Variants in PCBP3 observed in about 807,000 individuals in gnomAD.
The protein encoded by PCBP3 is poly(rC) binding protein 3.
PCBP3 carries 25 observed loss-of-function variants against 52.7 expected under a neutral mutation model. That is an observed-to-expected ratio of 0.47 (90% CI 0.35 to 0.66). The LOEUF is 0.66. PCBP3 is among the 30% of genes least tolerant of loss of function. The pLI, the probability that PCBP3 is intolerant of heterozygous loss-of-function variation, is 0.01. For synonymous variants in PCBP3, 162 were observed against 183.0 expected, an observed-to-expected ratio of 0.89 and a Z score of 0.93; for missense variants, 391 against 490.3, an observed-to-expected ratio of 0.80 and a Z score of 1.91.
At chr21:45,932,206 G>A (rs554068115) in intron 15 of PCBP3, among the ~76,000 whole-genome samples, 9 of 151,132 alleles carry the variant, frequency 6.0e-5, no homozygotes, top group African/African-American at 1.2e-4. Context: ...TGAACACATC[G>A]GCCATGCTGT....
intron 1 of PCBP3, among the ~76,000 whole-genome samples, chr21:45,667,481 A>T (rs948859706): frequency 6.6e-6 from 1 of 151,850 alleles, no homozygotes; most frequent in South Asian, 2.1e-4. Context: ...TGAATGTGCT[A>T]TTTCAATTAT....
intron 4 of PCBP3, among the ~76,000 whole-genome samples, chr21:45,765,073 G>A (rs2089170649): frequency 6.6e-6 from 1 of 152,256 alleles, no homozygotes. Context: ...GCTGGTGTGT[G>A]TGCAGAGGGC....
intron 4 of PCBP3, among the ~76,000 whole-genome samples, chr21:45,784,336 C>T (rs1230898003): frequency 2.6e-5 from 2 of 76,652 alleles, no homozygotes; most frequent in African/African-American, 1.5e-4. Context: ...ATAGTGACAG[C>T]TCTACCTCTA....
intron 3 of PCBP3, chr21:45,752,967 C>A: frequency 1.6e-5 from 1 of 61,104 alleles, no homozygotes; most frequent in Non-Finnish European, 2.9e-5. Flanking sequence ...CCCTGTCTCT[C>A]CAAAAAAAAA....
chr21:45,786,801 T>C (rs563250159), intron 4 of PCBP3, among the ~76,000 whole-genome samples: 1 of 152,362 alleles, frequency 6.6e-6, no homozygotes, highest in East Asian at 1.9e-4. Context: ...TCTGGCACCA[T>C]GACTGCTCCT....
At chr21:45,786,722 T>C (rs1226414618) in intron 4 of PCBP3, among the ~76,000 whole-genome samples, 1 of 152,208 alleles carries the variant, frequency 6.6e-6, no homozygotes, top group African/African-American at 2.4e-5. Context: ...TGTTTAGTAA[T>C]TGGGAAACCT....
intron 4 of PCBP3, among the ~76,000 whole-genome samples, chr21:45,804,863 C>T (rs2092438899): frequency 6.6e-6 from 1 of 152,168 alleles, no homozygotes; most frequent in Admixed American, 6.5e-5. Context: ...AGAGAGGCAG[C>T]ACAGGAAGGC....
rs537790775 is a variant in PCBP3 at position 45,904,476 on chromosome 21, G to A, written c.339+3363G>A. On this transcript the variant is annotated intron_variant, in intron 9 of 17. Transcript: ENST00000681687. This position sits in a 1 kb window ranked among gnomAD's most constrained non-coding sequence, Gnocchi z 4.8. ...TGGAGTTTTCATCTTTTGGTCCTTC[G>A]GTTTTTCCAGAAGACTGTGGATGGT... is the stretch of plus-strand genomic sequence containing the variant. Among the ~76,000 whole-genome samples the A allele has an allele frequency of 1.3e-5, 2 of 152,140 alleles. No individual in the cohort carries two copies. The highest frequency in any genetic ancestry group is 1.9e-4 in the East Asian group (1 of 5,168).
At chr21:45,811,053 T>A (rs562724563) in intron 4 of PCBP3, among the ~76,000 whole-genome samples, 1 of 152,268 alleles carries the variant, frequency 6.6e-6, no homozygotes, top group African/African-American at 2.4e-5. Flanking sequence ...TCTCTTGGTC[T>A]AGGTGTTTTT....
intron 2 of PCBP3, among the ~76,000 whole-genome samples, chr21:45,732,502 C>T (rs532544933): frequency 9.8e-5 from 11 of 112,308 alleles, no homozygotes; most frequent in African/African-American, 2.4e-4. Flanking sequence ...GCTGCCTTTA[C>T]GATTTTTTTT....
chr21:45,918,033 G>A (rs2073789724), intron 13 of PCBP3: 2 of 281,446 alleles, frequency 7.1e-6, no homozygotes, highest in African/African-American at 2.2e-5. Flanking sequence ...AAGATACCTT[G>A]GCAAGCACAT....
intron 4 of PCBP3, among the ~76,000 whole-genome samples, chr21:45,846,429 G>GTT (rs35953101): frequency 2.8e-5 from 4 of 142,506 alleles, no homozygotes; most frequent in South Asian, 2.3e-4. Flanking sequence ...TTTTTTGTTT[G>GTT]TTTTTTTTTT....
chr21:45,863,486 G>T (rs539641718), intron 5 of PCBP3, among the ~76,000 whole-genome samples: 1 of 152,238 alleles, frequency 6.6e-6, no homozygotes, highest in Non-Finnish European at 1.5e-5. Flanking sequence ...TTGGGGGAAG[G>T]GGGTATTGAA....
In PCBP3 at chr21:45,789,693, G is replaced by T. The variant is rs114579807; in HGVS notation, c.-126+34241G>T. 3.0e-3 allele frequency among the ~76,000 whole-genome samples: 453 copies of T among 152,276 alleles called. 1 individual carries two copies. The highest frequency in any genetic ancestry group is 0.01 in the African/African-American group (417 of 41,562). On this transcript the variant is annotated intron_variant, in intron 4 of 17. Transcript: ENST00000681687. ...GGAGGTGAGGAGCAGGTCATTTGTG[G>T]TCCTGTGGCGTCCTAAGAGCTTTTG...
intron 4 of PCBP3, among the ~76,000 whole-genome samples, chr21:45,804,347 T>C (rs775437654): frequency 6.6e-6 from 1 of 152,204 alleles, no homozygotes; most frequent in Admixed American, 6.5e-5. Flanking sequence ...TGCCTCCTAG[T>C]GCCCACACCA....
chr21:45,879,155 T>G (rs1321359494), intron 5 of PCBP3, among the ~76,000 whole-genome samples: 1 of 152,062 alleles, frequency 6.6e-6, no homozygotes, highest in South Asian at 2.1e-4. Flanking sequence ...GGCTAATTTT[T>G]AAAATTTTTC....
chr21:45,790,818 A>T (rs1204091627), intron 4 of PCBP3, among the ~76,000 whole-genome samples: 1 of 152,208 alleles, frequency 6.6e-6, no homozygotes, highest in Non-Finnish European at 1.5e-5. Context: ...GGCGGGCAAC[A>T]AAAGCAAAAG....
At chr21:45,785,514 G>T (rs1262985202) in intron 4 of PCBP3, among the ~76,000 whole-genome samples, 1 of 149,808 alleles carries the variant, frequency 6.7e-6, no homozygotes, top group East Asian at 2.0e-4. Flanking sequence ...GGAGGGGGGG[G>T]GGTCAGCCCC....
chr21:45,885,303 T>C (rs1336773609), intron 5 of PCBP3, among the ~76,000 whole-genome samples: 2 of 152,218 alleles, frequency 1.3e-5, no homozygotes, highest in African/African-American at 4.8e-5. Context: ...TCCCTCTTGC[T>C]GCTTGCAAGA....
Sources: allele counts gnomAD v4.1 joint callset (sites outside exome capture counted in the v4.1 genomes callset), GRCh38; gene constraint gnomAD v4.1.1; non-coding constraint Gnocchi (gnomAD v3.1); transcripts MANE v1.5; gene names NCBI Gene and HGNC (gene_info 2026-07-23, HGNC 2026-07-21).